The following NDST4 variants were observed in gnomAD, a reference collection of about 807,000 sequenced individuals.
NDST4 encodes the protein N-heparan sulfate sulfotransferase 4.
NDST4 carries 63 observed loss-of-function variants against 100.8 expected under a neutral mutation model. The ratio of observed to expected loss-of-function variants is 0.62; its 90% CI spans 0.51 to 0.77. NDST4 has a LOEUF of 0.77. NDST4 is among the 30% of genes least tolerant of loss of function. The pLI is 0.00. For missense variants in NDST4, 943 were observed against 1,018.4 expected, an observed-to-expected ratio of 0.93 and a Z score of 1.01; for synonymous variants, 377 against 361.8, an observed-to-expected ratio of 1.04 and a Z score of -0.48.
At position 114,838,015 on chromosome 4, in the gene NDST4, G is replaced by A. The variant is rs141389814; in HGVS notation, c.2286+1363C>T. The stretch of plus-strand genomic sequence containing the variant: ...TCATCAAGAAGTAGGCAAAGTATAT[G>A]AACAGACACTTCTCAAAAGAAGACA... On this transcript the variant is annotated intron_variant, in intron 11 of 13. Coordinates refer to ENST00000264363, the MANE Select transcript of NDST4 (RefSeq NM_022569.3). Among the ~76,000 whole-genome samples, 1,180 of 152,264 alleles carry A rather than the reference G, an allele frequency of 7.7e-3. 40 individuals carry two copies. The highest frequency in any genetic ancestry group is 0.059 in the East Asian group (305 of 5,182).
chr4:115,061,622 G>A (rs796886467), intron 2 of NDST4, among the ~76,000 whole-genome samples: 2 of 88,032 alleles, frequency 2.3e-5, no homozygotes, highest in Non-Finnish European at 1.9e-5. Flanking sequence ...GGGGTCTGTC[G>A]GGGGTGAGGG....
At chr4:114,995,911 G>C (rs1157582257) in intron 2 of NDST4, among the ~76,000 whole-genome samples, 2 of 151,932 alleles carry the variant, frequency 1.3e-5, no homozygotes, top group African/African-American at 4.8e-5. Context: ...TTACCTTAAA[G>C]AATTAATGTG....
At chr4:114,844,731 C>T (rs147315885) in intron 10 of NDST4, among the ~76,000 whole-genome samples, 4 of 152,294 alleles carry the variant, frequency 2.6e-5, no homozygotes, top group Admixed American at 1.3e-4. Flanking sequence ...TTAAATGTTG[C>T]TGCAGAATAT....
At chr4:114,848,073 T>C (rs1723592619) in intron 9 of NDST4, 142 bp downstream of exon 9, 2 of 676,912 alleles carry the variant, frequency 3.0e-6, no homozygotes, top group Non-Finnish European at 4.7e-6. Context: ...TGATTAAACA[T>C]ATCATCATTA....
chr4:114,952,011 T>TG (rs922420585), intron 4 of NDST4, among the ~76,000 whole-genome samples: 1 of 152,160 alleles, frequency 6.6e-6, no homozygotes, highest in Non-Finnish European at 1.5e-5. Flanking sequence ...GCCTATCCCC[T>TG]GGGGGGAAAC....
At chr4:114,876,271 T>G (rs1432754078) in intron 6 of NDST4, among the ~76,000 whole-genome samples, 1 of 152,186 alleles carries the variant, frequency 6.6e-6, no homozygotes, top group African/African-American at 2.4e-5. Flanking sequence ...TTCAGAATAG[T>G]TCATTGTGTT....
intron 6 of NDST4, among the ~76,000 whole-genome samples, chr4:114,883,310 A>G (rs1038858829): frequency 6.6e-6 from 1 of 152,132 alleles, no homozygotes; most frequent in African/African-American, 2.4e-5. Flanking sequence ...AGAAATAACA[A>G]GGAAGCATTG....
chr4:114,955,400 A>T (rs1387761795), intron 4 of NDST4, among the ~76,000 whole-genome samples: 1 of 152,214 alleles, frequency 6.6e-6, no homozygotes, highest in Non-Finnish European at 1.5e-5. Flanking sequence ...AGCTTACAGC[A>T]TGTGAAACAA....
chr4:114,986,830 A>ATATATATATATATTTATT (rs1553959396), intron 2 of NDST4, among the ~76,000 whole-genome samples: 15 of 91,962 alleles, frequency 1.6e-4, no homozygotes, highest in African/African-American at 6.0e-4. Flanking sequence ...ATATATATAT[A>ATATATATATATATTTATT]TATTTTAATA....
intron 10 of NDST4, chr4:114,842,768 T>G (rs533191975): frequency 2.6e-4 from 42 of 158,544 alleles, no homozygotes; most frequent in African/African-American, 9.5e-4. Flanking sequence ...GCCATTGCAC[T>G]CCAACCTGGG....
intron 2 of NDST4, among the ~76,000 whole-genome samples, chr4:115,033,409 C>A (rs764268484): frequency 6.6e-6 from 1 of 151,574 alleles, no homozygotes; most frequent in Non-Finnish European, 1.5e-5. Context: ...AGCCACCCTG[C>A]GTAGTCCTGC....
At chr4:115,013,513 A>G (rs1000379863) in intron 2 of NDST4, among the ~76,000 whole-genome samples, 1 of 151,650 alleles carries the variant, frequency 6.6e-6, no homozygotes. Context: ...AAAGGAAATA[A>G]TCAGATGTTT....
rs556424227 is a variant in NDST4 at position 114,942,992 on chromosome 4, A to G, written c.1222-5489T>C. 5.4e-5 allele frequency among the ~76,000 whole-genome samples: 8 copies of G among 147,940 alleles called. No individual in the cohort carries two copies. In the South Asian group the frequency reaches 1.7e-3, roughly 31 times the overall value. On this transcript the variant is annotated intron_variant, in intron 4 of 13. Coordinates refer to ENST00000264363, the MANE Select transcript of NDST4 (RefSeq NM_022569.3). ...TTTTAGATGAGTAGAATTTATATAT[A>G]CTGATATATAATATTTACATATATT... is the stretch of plus-strand genomic sequence containing the variant.
intron 3 of NDST4, among the ~76,000 whole-genome samples, chr4:114,971,501 T>C (rs1216847526): frequency 1.3e-5 from 2 of 152,160 alleles, no homozygotes; most frequent in Admixed American, 1.3e-4. Context: ...ACAATTTTAC[T>C]ATATACAGCT....
chr4:114,994,364 T>TAC (rs1356955818), intron 2 of NDST4, among the ~76,000 whole-genome samples: 1 of 152,022 alleles, frequency 6.6e-6, no homozygotes, highest in Non-Finnish European at 1.5e-5. Flanking sequence ...TTTGCAAGTA[T>TAC]ACATACACGC....
At chr4:115,110,487 AC>A (rs1729924186) in intron 1 of NDST4, among the ~76,000 whole-genome samples, 1 of 151,936 alleles carries the variant, frequency 6.6e-6, no homozygotes, top group East Asian at 1.9e-4. Context: ...TTTGCTGCCT[AC>A]CTTCAGAAGA....
At chr4:115,084,309 C>T (rs1321446095) in intron 1 of NDST4, among the ~76,000 whole-genome samples, 1 of 152,094 alleles carries the variant, frequency 6.6e-6, no homozygotes, top group Non-Finnish European at 1.5e-5. Flanking sequence ...AGTGGCAAAG[C>T]ATTCAAGAGG....
Position 114,973,260 on chromosome 4 carries a change from G to A in NDST4, c.1067-2676C>T, listed in dbSNP as rs139127045. Among the ~76,000 whole-genome samples, 565 of 148,196 alleles carry A rather than the reference G, an allele frequency of 3.8e-3. 2 individuals carry two copies. Among genetic ancestry groups the A allele is most frequent in the African/African-American group, 0.013 (515 of 40,312 alleles). ...GCAGTTTATATGTGACCAGATTAGC[G>A]CATTTATTTTTCTATACCTAATATA... On this transcript the variant is annotated intron_variant, in intron 3 of 13. Transcript: ENST00000264363.
At chr4:115,029,064 G>T (rs1384272491) in intron 2 of NDST4, among the ~76,000 whole-genome samples, 1 of 152,048 alleles carries the variant, frequency 6.6e-6, no homozygotes, top group African/African-American at 2.4e-5. Flanking sequence ...AAAAGTGAGA[G>T]CTTCAGTCAA....
Sources: gnomAD v4.1 joint callset for allele counts (sites outside exome capture counted in the v4.1 genomes callset) on GRCh38, gnomAD v4.1.1 for gene constraint, MANE v1.5 for transcripts, NCBI Gene and HGNC (gene_info 2026-07-23, HGNC 2026-07-21) for gene names.